Variants in DPP10 observed in about 807,000 individuals in gnomAD.
The protein encoded by DPP10 is inactive dipeptidyl peptidase 10.
DPP10 carries 33 observed loss-of-function variants against 120.9 expected under a neutral mutation model. The observed-to-expected ratio is 0.27, with a 90% CI of 0.21 to 0.37. DPP10 has a LOEUF of 0.37. Among genes scored for constraint, DPP10 ranks in the 10% least tolerant of loss-of-function variants. DPP10 has a pLI of 1.00. For missense variants in DPP10, 816 were observed against 942.8 expected (o/e 0.87, Z 1.76); for synonymous variants, 337 against 326.1 (o/e 1.03, Z -0.36).
At chr2:114,715,165 G>A (rs1191190698) in intron 1 of DPP10, among the ~76,000 whole-genome samples, 1 of 152,084 alleles carries the variant, frequency 6.6e-6, no homozygotes, top group African/African-American at 2.4e-5. Context: ...ATGACAAGAG[G>A]CCCTGATCCC....
chr2:115,512,229 A>T (rs2148841834), intron 4 of DPP10, among the ~76,000 whole-genome samples: 1 of 152,086 alleles, frequency 6.6e-6, no homozygotes. Flanking sequence ...GCCTCCTGAG[A>T]AGCTGGGACT....
chr2:115,817,022 G>A (rs1687310537), intron 21 of DPP10, among the ~76,000 whole-genome samples: 1 of 151,400 alleles, frequency 6.6e-6, no homozygotes, highest in Admixed American at 6.6e-5. Flanking sequence ...GCCAAGGCGG[G>A]AGGATCATGA....
At chr2:114,911,744 G>A (rs763676599) in intron 1 of DPP10, among the ~76,000 whole-genome samples, 2 of 152,192 alleles carry the variant, frequency 1.3e-5, no homozygotes, top group African/African-American at 2.4e-5. Context: ...ATCATACTGA[G>A]CTTTGGGGCC....
chr2:115,095,585 G>GTTT (rs201649163), intron 1 of DPP10, among the ~76,000 whole-genome samples: 2 of 86,258 alleles, frequency 2.3e-5, no homozygotes, highest in Non-Finnish European at 4.9e-5. Context: ...TTTTTTTTTT[G>GTTT]TTTTTTTTTT....
chr2:115,787,848 A>G (rs1161020945), intron 17 of DPP10, among the ~76,000 whole-genome samples: 3 of 152,200 alleles, frequency 2.0e-5, no homozygotes, highest in Non-Finnish European at 4.4e-5. Context: ...ACATCCACAT[A>G]TTATGCACAT....
Position 115,207,005 on chromosome 2 carries a change from G to A in DPP10, c.61-102234G>A, listed in dbSNP as rs146847782. ...TGGAGATTTTTCCGATTGTCAACAA[G>A]TGTTTCGTTGACTGTTCCAGACTTT... On this transcript the variant is annotated intron_variant, in intron 1 of 25. Transcript: ENST00000410059. 3.7e-3 allele frequency among the ~76,000 whole-genome samples: 563 copies of A among 152,278 alleles called. 3 individuals are homozygous for A. Among genetic ancestry groups the A allele is most frequent in the Middle Eastern group, 0.017 (5 of 294 alleles).
In DPP10 at chr2:115,814,935, A is replaced by C; in HGVS notation, c.1843A>C (p.Ile615Leu). 6.2e-7 allele frequency: 1 copy of C among 1,612,568 alleles called. No homozygotes were observed. The highest frequency in any genetic ancestry group is 8.5e-7 in the Non-Finnish European group (1 of 1,178,910). ...GFQGLKILQE[I>L]HRRLGSVEVK... Reference sequence around the variant, plus strand: ...CCAGGGTCTGAAAATTTTGCAGGAGATTCATCGAAGATTAGGTTCAGTAGA... The same window carrying C: ...CCAGGGTCTGAAAATTTTGCAGGAGCTTCATCGAAGATTAGGTTCAGTAGA... The change falls in exon 20 of 26, where the codon ATT (isoleucine) becomes CTT (leucine). Residue 615 changes from isoleucine to leucine, a missense_variant. Physicochemically the swap from Ile to Leu is conservative, Grantham distance 5. Transcript: ENST00000410059.
At chr2:115,286,503 T>TA (rs1491303092) in intron 1 of DPP10, among the ~76,000 whole-genome samples, 3 of 33,434 alleles carry the variant, frequency 9.0e-5, no homozygotes, top group African/African-American at 1.4e-4. Context: ...TATATATATA[T>TA]TACATATATA....
At chr2:115,825,053 T>C (rs1377128374) in intron 21 of DPP10, among the ~76,000 whole-genome samples, 3 of 152,224 alleles carry the variant, frequency 2.0e-5, no homozygotes, top group South Asian at 4.1e-4. Context: ...ATTTCACAAG[T>C]ATTCACTAAA....
chr2:115,009,223 T>C (rs1573283398), intron 1 of DPP10, among the ~76,000 whole-genome samples: 1 of 150,168 alleles, frequency 6.7e-6, no homozygotes, highest in East Asian at 2.0e-4. Flanking sequence ...ATGTGGCACA[T>C]ATACACCATG....
chr2:115,226,721 G>A (rs1241687526), intron 1 of DPP10, among the ~76,000 whole-genome samples: 1 of 152,114 alleles, frequency 6.6e-6, no homozygotes, highest in Non-Finnish European at 1.5e-5. Context: ...CATCAATTTG[G>A]TATTTCCAGC....
At chr2:115,634,605 C>T (rs2086167102) in intron 5 of DPP10, among the ~76,000 whole-genome samples, 1 of 152,102 alleles carries the variant, frequency 6.6e-6, no homozygotes, top group South Asian at 2.1e-4. Context: ...GATCTCTGTA[C>T]CAGAGGGGCA....
At chr2:114,773,265 G>A (rs1681432318) in intron 1 of DPP10, among the ~76,000 whole-genome samples, 1 of 152,158 alleles carries the variant, frequency 6.6e-6, no homozygotes, top group South Asian at 2.1e-4. Flanking sequence ...GGAGTGATAT[G>A]CTTTTTGTCT....
At chr2:115,281,793 CATT>C (rs2105878418) in intron 1 of DPP10, among the ~76,000 whole-genome samples, 1 of 152,156 alleles carries the variant, frequency 6.6e-6, no homozygotes, top group South Asian at 2.1e-4. Flanking sequence ...TATCTTAAAA[CATT>C]ATAAAGTTAC....
intron 1 of DPP10, among the ~76,000 whole-genome samples, chr2:114,510,615 CA>C (rs914862001): frequency 6.6e-6 from 1 of 151,846 alleles, no homozygotes; most frequent in African/African-American, 2.4e-5. Context: ...AAAAACAAAA[CA>C]AAAAAACAAA....
intron 25 of DPP10, 89 bp downstream of exon 25, chr2:115,840,912 C>A: frequency 1.9e-6 from 2 of 1,036,576 alleles, no homozygotes; most frequent in Non-Finnish European, 2.8e-6. Flanking sequence ...ATTCCATTCT[C>A]CCTACTATTA....
rs572402493 is a variant in DPP10 at position 114,529,286 on chromosome 2, C to T, written c.60+86448C>T. ...GCCAACCACTTTTTTTCTTGAAGAA[C>T]GCTGGACAACCCACTATTTTTCCCA... On this transcript the variant is annotated intron_variant, in intron 1 of 25. Transcript: ENST00000410059. Among the ~76,000 whole-genome samples, 26 of 152,230 alleles carry T rather than the reference C, an allele frequency of 1.7e-4. No individual in the cohort carries two copies. In the South Asian group the frequency reaches 5.2e-3, roughly 30 times the overall value.
chr2:114,867,424 A>C (rs138834383), intron 1 of DPP10, among the ~76,000 whole-genome samples: 176 of 152,290 alleles, frequency 1.2e-3, no homozygotes, highest in Middle Eastern at 6.8e-3. Context: ...CCTTCTTTTT[A>C]GTAACACCAA....
At chr2:115,476,181 G>A (rs2075064203) in intron 3 of DPP10, among the ~76,000 whole-genome samples, 1 of 152,248 alleles carries the variant, frequency 6.6e-6, no homozygotes, top group African/African-American at 2.4e-5. Context: ...TGGACCTAAA[G>A]CCTGATTTGA....
Sources: gnomAD v4.1 joint callset for allele counts (sites outside exome capture counted in the v4.1 genomes callset) on GRCh38, gnomAD v4.1.1 for gene constraint, MANE v1.5 for transcripts, NCBI Gene and HGNC (gene_info 2026-07-23, HGNC 2026-07-21) for gene names.